ARHGAP22: variants seen among roughly 807,000 people sequenced by gnomAD.
The protein encoded by ARHGAP22 is Rho GTPase activating protein 22.
ARHGAP22 carries 48 observed loss-of-function variants against 59.1 expected under a neutral mutation model. The observed-to-expected ratio is 0.81, with a 90% CI of 0.64 to 1.03. The LOEUF (loss-of-function observed/expected upper bound fraction) is 1.03, where lower values mean the gene tolerates loss of function less well. ARHGAP22 is among the 50% of genes least tolerant of loss of function. The probability of loss-of-function intolerance (pLI) is 0.00; values close to 1 mark genes in which losing one functional copy is unlikely to be tolerated. For missense variants in ARHGAP22, 1,015 were observed against 958.7 expected (o/e 1.06, Z -0.78); for synonymous variants, 445 against 416.4 (o/e 1.07, Z -0.84).
At chr10:48,641,333 G>C (rs1038647970) in intron 1 of ARHGAP22, among the ~76,000 whole-genome samples, 1 of 152,110 alleles carries the variant, frequency 6.6e-6, no homozygotes, top group African/African-American at 2.4e-5. Flanking sequence ...TTAGTATGCT[G>C]TCTAAAAGAG....
intron 3 of ARHGAP22, among the ~76,000 whole-genome samples, chr10:48,535,104 C>T (rs1296725858): frequency 6.6e-6 from 1 of 152,270 alleles, no homozygotes; most frequent in East Asian, 1.9e-4. Context: ...AAGGAGGGAC[C>T]TCAGTTACCT....
chr10:48,650,012 A>AAG (rs946391013), intron 1 of ARHGAP22, among the ~76,000 whole-genome samples: 2 of 147,876 alleles, frequency 1.4e-5, no homozygotes, highest in African/African-American at 2.5e-5. Context: ...GAGAGAGAGA[A>AAG]AGAGAGAGAG....
At chr10:48,505,100 C>A (rs1025520315) in intron 3 of ARHGAP22, among the ~76,000 whole-genome samples, 1 of 152,192 alleles carries the variant, frequency 6.6e-6, no homozygotes, top group African/African-American at 2.4e-5. Context: ...ATTGCCCAGG[C>A]TGGCATGCAG....
In ARHGAP22 at chr10:48,622,333, A is replaced by G. The variant is rs192233883; in HGVS notation, c.52+29901T>C. On this transcript the variant is annotated intron_variant, in intron 1 of 9. Transcript: ENST00000435790. Reference sequence around the variant, plus strand: ...TATTTTCTTAGTGGTTGCCTTGGGGATTACATCTTCTTTTGTTTGGTTGGG... The same window carrying G: ...TATTTTCTTAGTGGTTGCCTTGGGGGTTACATCTTCTTTTGTTTGGTTGGG... Among the ~76,000 whole-genome samples the G allele has an allele frequency of 1.4e-3, 202 of 149,498 alleles. 1 individual carries two copies. The highest frequency in any genetic ancestry group is 4.9e-3 in the African/African-American group (198 of 40,670).
chr10:48,648,270 G>T (rs960268059), intron 1 of ARHGAP22, among the ~76,000 whole-genome samples: 1 of 152,196 alleles, frequency 6.6e-6, no homozygotes, highest in Non-Finnish European at 1.5e-5. Context: ...TGGGAAAGGA[G>T]TATGGGAAGG....
In ARHGAP22 at chr10:48,594,919, C is replaced by T. The variant is rs371198637; in HGVS notation, c.34+9844G>A. On this transcript the variant is annotated intron_variant, in intron 1 of 9. Transcript: ENST00000249601. Reference sequence around the variant, plus strand: ...CCCCAACTGTGTCCCCTGAGGGTCTCGTTAATAGATTACTGCATGTGAATC... The same window carrying T: ...CCCCAACTGTGTCCCCTGAGGGTCTTGTTAATAGATTACTGCATGTGAATC... Among the ~76,000 whole-genome samples the T allele has an allele frequency of 1.1e-4, 16 of 145,890 alleles. 1 individual carries two copies. In the South Asian group the frequency reaches 1.2e-3, roughly 11 times the overall value.
chr10:48,615,034 C>T (rs2061027194), intron 1 of ARHGAP22, among the ~76,000 whole-genome samples: 1 of 152,068 alleles, frequency 6.6e-6, no homozygotes, highest in South Asian at 2.1e-4. Context: ...AATAGACTAA[C>T]CTAAAGCTCT....
intron 1 of ARHGAP22, among the ~76,000 whole-genome samples, chr10:48,583,986 G>T (rs73300278): frequency 0.076 from 11,593 of 151,546 alleles, 479 homozygotes; most frequent in Middle Eastern, 0.11. Flanking sequence ...TGTCCCCTCT[G>T]CCCCTACTCC....
intron 2 of ARHGAP22, among the ~76,000 whole-genome samples, chr10:48,566,666 G>A (rs541313075): frequency 1.3e-5 from 2 of 152,306 alleles, no homozygotes; most frequent in East Asian, 1.9e-4. Flanking sequence ...TCAGCAGATC[G>A]GACCTGGGAA....
chr10:48,549,040 G>T (rs1385275710), intron 3 of ARHGAP22, among the ~76,000 whole-genome samples: 1 of 152,232 alleles, frequency 6.6e-6, no homozygotes, highest in East Asian at 1.9e-4. Context: ...GTTAGTCCCA[G>T]GAGTGTGGTG....
the ARHGAP22 span, chr10:48,436,030 C>G: frequency 1.3e-5 from 2 of 152,128 alleles, no homozygotes; most frequent in South Asian, 4.1e-4. Context: ...GTCAGTTGAG[C>G]ACCAGTTGTT....
intron 1 of ARHGAP22, among the ~76,000 whole-genome samples, chr10:48,593,222 C>T (rs1385219195): frequency 2.0e-5 from 3 of 152,200 alleles, no homozygotes; most frequent in Admixed American, 6.5e-5. Context: ...GAAACTGCTT[C>T]CCCCACTGCT....
intron 1 of ARHGAP22, among the ~76,000 whole-genome samples, chr10:48,596,000 A>G (rs1026904755): frequency 2.0e-5 from 3 of 148,034 alleles, no homozygotes; most frequent in Non-Finnish European, 3.0e-5. Context: ...ATTTTTAAGT[A>G]GTGATTAGGT....
upstream of ARHGAP22, among the ~76,000 whole-genome samples, chr10:48,654,825 T>TCTTTCTTCCTTCCTTCCTTC (rs1386352699): frequency 3.2e-5 from 2 of 62,450 alleles, no homozygotes; most frequent in African/African-American, 9.5e-5. Flanking sequence ...TTTCTTTCTT[T>TCTTTCTTCCTTCCTTCCTTC]CTTCCTTCCT....
chr10:48,589,099 C>T (rs565133471), intron 1 of ARHGAP22, among the ~76,000 whole-genome samples: 1 of 152,252 alleles, frequency 6.6e-6, no homozygotes, highest in East Asian at 1.9e-4. Context: ...CACATACCTG[C>T]CTCTCCTTCC....
intron 3 of ARHGAP22, among the ~76,000 whole-genome samples, chr10:48,537,052 G>A (rs990368084): frequency 6.6e-6 from 1 of 152,068 alleles, no homozygotes; most frequent in Non-Finnish European, 1.5e-5. Context: ...CCAGGAGGCC[G>A]GCTGCTTTCT....
chr10:48,530,236 CAAAAAAAAAAAAAA>C (rs60902650), intron 3 of ARHGAP22, among the ~76,000 whole-genome samples: 2 of 49,040 alleles, frequency 4.1e-5, no homozygotes, highest in Non-Finnish European at 7.7e-5. Flanking sequence ...GACTCCATTG[CAAAAAAAAAAAAAA>C]AAAAAAAAAA....
chr10:48,627,415 A>G (rs2061489750), intron 1 of ARHGAP22, among the ~76,000 whole-genome samples: 1 of 152,176 alleles, frequency 6.6e-6, no homozygotes, highest in Admixed American at 6.5e-5. Context: ...TCAGAATTGA[A>G]ATGAATTGAA....
At chr10:48,444,775 T>C (rs373095529), downstream of ARHGAP22, 1 of 152,262 alleles carries the variant, frequency 6.6e-6, no homozygotes, top group African/African-American at 2.4e-5. Context: ...GTTTCTCCTC[T>C]GAATATGGAT....
Sources: gnomAD v4.1 joint callset for allele counts (sites outside exome capture counted in the v4.1 genomes callset) on GRCh38, gnomAD v4.1.1 for gene constraint, MANE v1.5 for transcripts, NCBI Gene and HGNC (gene_info 2026-07-23, HGNC 2026-07-21) for gene names.